DMD: variants seen among roughly 807,000 people sequenced by gnomAD.
The protein encoded by DMD is dystrophin.
DMD carries 63 observed loss-of-function variants against 330.1 expected under a neutral mutation model. The ratio of observed to expected loss-of-function variants is 0.19; its 90% CI spans 0.16 to 0.24. The LOEUF is 0.24. Ranked by LOEUF, DMD falls within the 10% of genes least tolerant of loss-of-function variation. The pLI, the probability that DMD is intolerant of heterozygous loss-of-function variation, is 1.00. For synonymous variants in DMD, 1,223 were observed against 959.8 expected (o/e 1.27, Z -5.07); for missense variants, 3,344 against 2,684.1 (o/e 1.25, Z -5.43).
At chrX:33,293,833 G>T (rs938543507) in intron 1 of DMD, among the ~76,000 whole-genome samples, 17 of 111,148 alleles carry the variant, frequency 1.5e-4, no homozygotes, top group African/African-American at 5.5e-4. Context: ...TCATTCTTCT[G>T]CATGTGAATC....
At chrX:32,780,386 T>A (rs917673332) in intron 7 of DMD, among the ~76,000 whole-genome samples, 1 of 112,484 alleles carries the variant, frequency 8.9e-6, no homozygotes, top group Non-Finnish European at 1.9e-5. Context: ...TCTGTAAGAA[T>A]GCATACAATT....
intron 29 of DMD, 91 bp from the exon 30 acceptor site, chrX:32,412,004 C>T (rs933785367): frequency 2.5e-6 from 3 of 1,185,934 alleles, no homozygotes; most frequent in African/African-American, 3.5e-5. Context: ...AGATTCTAGA[C>T]TCTTCCACAA....
chrX:32,720,784 ATTT>A (rs1367996559), intron 7 of DMD, among the ~76,000 whole-genome samples: 3 of 111,152 alleles, frequency 2.7e-5, no homozygotes. Context: ...CTGCTTTTAT[ATTT>A]TTTTAAAAAA....
At chrX:32,126,800 C>A (rs1196296575) in intron 44 of DMD, among the ~76,000 whole-genome samples, 2 of 111,451 alleles carry the variant, frequency 1.8e-5, no homozygotes, top group Non-Finnish European at 3.8e-5. Flanking sequence ...ATTAAGAGAT[C>A]TTGAGGTAAA....
intron 73 of DMD, among the ~76,000 whole-genome samples, chrX:31,171,083 G>C (rs909550345): frequency 8.9e-6 from 1 of 112,152 alleles, no homozygotes; most frequent in African/African-American, 3.2e-5. Context: ...ACATTTGGCT[G>C]ATTCTTTGGC....
intron 51 of DMD, among the ~76,000 whole-genome samples, chrX:31,745,105 G>A (rs191139740): frequency 6.3e-5 from 7 of 111,990 alleles, no homozygotes; most frequent in African/African-American, 1.3e-4. Context: ...CAGGGAAGGT[G>A]CCATAGAGGA....
chrX:32,058,503 A>T (rs2096197608), intron 44 of DMD, among the ~76,000 whole-genome samples: 1 of 107,744 alleles, frequency 9.3e-6, no homozygotes, highest in African/African-American at 3.4e-5. Flanking sequence ...ATCACTAACT[A>T]CCAGGGAAAT....
intron 47 of DMD, among the ~76,000 whole-genome samples, chrX:31,923,835 A>G (rs2094728769): frequency 1.8e-5 from 2 of 111,672 alleles, no homozygotes; most frequent in South Asian, 7.5e-4. Context: ...TGACCTTGTG[A>G]TCTGCCCGCC....
At chrX:33,087,143 G>A (rs1403467185) in intron 1 of DMD, among the ~76,000 whole-genome samples, 3 of 111,717 alleles carry the variant, frequency 2.7e-5, no homozygotes, top group Non-Finnish European at 5.6e-5. Context: ...CAAGAGATTA[G>A]CATCCAAAGC....
At chrX:32,671,368 C>T (rs986257526) in intron 9 of DMD, among the ~76,000 whole-genome samples, 3 of 111,200 alleles carry the variant, frequency 2.7e-5, no homozygotes, top group African/African-American at 9.8e-5. Flanking sequence ...TACACACACA[C>T]ACTCTGAGAA....
At chrX:32,193,686 G>A (rs747895542) in intron 44 of DMD, among the ~76,000 whole-genome samples, 2 of 111,815 alleles carry the variant, frequency 1.8e-5, no homozygotes, top group East Asian at 2.8e-4. Context: ...TAGGCCCTTC[G>A]ATTAATATTT....
intron 25 of DMD, among the ~76,000 whole-genome samples, chrX:32,461,273 G>T (rs1032880873): frequency 9.0e-6 from 1 of 111,301 alleles, no homozygotes; most frequent in Non-Finnish European, 1.9e-5. Flanking sequence ...TGCTGAATTG[G>T]TAACAATATT....
At chrX:31,798,547 T>TA (rs771274667) in intron 50 of DMD, among the ~76,000 whole-genome samples, 1,048 of 85,982 alleles carry the variant, frequency 0.012, 4 homozygotes, top group Admixed American at 0.017. Context: ...TGGAATGAAG[T>TA]AAAAAAAAAA....
intron 1 of DMD, among the ~76,000 whole-genome samples, chrX:33,053,453 G>A (rs1271930767): frequency 9.1e-5 from 10 of 109,669 alleles, no homozygotes; most frequent in African/African-American, 2.7e-4. Flanking sequence ...AAAATTAGCC[G>A]GGCATGGTGG....
At chrX:31,390,467 C>G (rs891065344) in intron 60 of DMD, among the ~76,000 whole-genome samples, 6 of 110,669 alleles carry the variant, frequency 5.4e-5, no homozygotes, top group Non-Finnish European at 9.4e-5. Flanking sequence ...ACATTTCAAA[C>G]TGAACATGTC....
At chrX:32,361,723 G>A (rs182447717) in intron 37 of DMD, among the ~76,000 whole-genome samples, 172 of 111,428 alleles carry the variant, frequency 1.5e-3, no homozygotes, top group Middle Eastern at 4.7e-3. Context: ...ATTACTGGTT[G>A]CTTATATCTA....
chrX:31,641,273 G>GGGT (rs778913749), intron 54 of DMD, among the ~76,000 whole-genome samples: 1 of 111,249 alleles, frequency 9.0e-6, no homozygotes, highest in South Asian at 3.8e-4. Context: ...AGGCCAAGGT[G>GGGT]GGTGGATCAC....
At chrX:32,472,059 C>A (rs2040691682) in intron 22 of DMD, 105 bp downstream of exon 22, 2 of 1,016,518 alleles carry the variant, frequency 2.0e-6, no homozygotes, top group East Asian at 3.1e-5. Flanking sequence ...GGCAAACTAC[C>A]ATACTTGTCA....
chrX:31,312,771 G>T (rs939979974), intron 62 of DMD, among the ~76,000 whole-genome samples: 3 of 112,015 alleles, frequency 2.7e-5, no homozygotes, highest in African/African-American at 9.7e-5. Context: ...GGAATACTAC[G>T]CAGCCATAAA....
Sources: allele counts gnomAD v4.1 joint callset (sites outside exome capture counted in the v4.1 genomes callset), GRCh38; gene constraint gnomAD v4.1.1; transcripts MANE v1.5; gene names NCBI Gene and HGNC (gene_info 2026-07-23, HGNC 2026-07-21).